Variants in ARMH3 observed in about 807,000 individuals in gnomAD.
The protein encoded by ARMH3 is armadillo-like helical domain-containing protein 3.
ARMH3 carries 60 observed loss-of-function variants against 99.1 expected under a neutral mutation model. The observed-to-expected ratio is 0.61, with a 90% CI of 0.49 to 0.75. The LOEUF is 0.75. Ranked by LOEUF, ARMH3 falls within the 30% of genes least tolerant of loss-of-function variation. The probability of loss-of-function intolerance (pLI) is 0.00; values close to 1 mark genes in which losing one functional copy is unlikely to be tolerated. For missense variants in ARMH3, 679 were observed against 843.1 expected (o/e 0.81, Z 2.41); for synonymous variants, 285 against 292.8 (o/e 0.97, Z 0.27).
chr10:101,989,069 G>A (rs765212650), intron 19 of ARMH3, among the ~76,000 whole-genome samples: 5 of 151,946 alleles, frequency 3.3e-5, no homozygotes, highest in Non-Finnish European at 5.9e-5. Flanking sequence ...CCCAAAAATC[G>A]GAGGGAGCAA....
chr10:101,879,935 A>AT (rs1310756819), intron 24 of ARMH3, among the ~76,000 whole-genome samples: 4 of 152,270 alleles, frequency 2.6e-5, no homozygotes, highest in African/African-American at 9.6e-5. Context: ...ACCCCACCTC[A>AT]TCCCCACTTC....
chr10:101,865,284 G>A (rs971535105), intron 24 of ARMH3, among the ~76,000 whole-genome samples: 4 of 151,268 alleles, frequency 2.6e-5, no homozygotes, highest in Middle Eastern at 3.4e-3. Flanking sequence ...TAATGAACAC[G>A]TAAGATATAC....
chr10:101,940,247 A>C (rs981951931), intron 22 of ARMH3, among the ~76,000 whole-genome samples: 2 of 152,122 alleles, frequency 1.3e-5, no homozygotes, highest in African/African-American at 4.8e-5. Context: ...ATGCATTTAC[A>C]ATCTGCACTG....
At chr10:102,045,129 C>CA (rs574856341) in intron 1 of ARMH3, among the ~76,000 whole-genome samples, 15,576 of 80,516 alleles carry the variant, frequency 0.19, 1,523 homozygotes, top group African/African-American at 0.28. Context: ...GCCCTTGTCT[C>CA]AAAAAAAAAA....
At chr10:102,017,568 T>C (rs2066777931) in intron 8 of ARMH3, among the ~76,000 whole-genome samples, 1 of 152,206 alleles carries the variant, frequency 6.6e-6, no homozygotes, top group African/African-American at 2.4e-5. Flanking sequence ...AGTGTGTTCC[T>C]ATCACATATA....
chr10:101,870,263 A>T (rs989381052), intron 24 of ARMH3, among the ~76,000 whole-genome samples: 3 of 152,248 alleles, frequency 2.0e-5, no homozygotes, highest in Non-Finnish European at 4.4e-5. Context: ...AACAACCTAC[A>T]TAAATGAATA....
Position 101,939,851 on chromosome 10 carries a change from C to G in ARMH3, c.1781+12G>C. 1 of 1,611,308 alleles carries G rather than the reference C, an allele frequency of 6.2e-7. No individual in the cohort carries two copies. Among genetic ancestry groups the G allele is most frequent in the Non-Finnish European group, 8.5e-7 (1 of 1,178,228 alleles). On this transcript the variant is annotated intron_variant, in intron 23 of 25. Coordinates refer to ENST00000370033, the MANE Select transcript of ARMH3 (RefSeq NM_024541.3). ...CCAAGGAACTCTGCAAGAGATACTT[C>G]TCATTCCTTACCTGATATTAACCAA...
At chr10:101,969,126 T>A (rs991774061) in intron 20 of ARMH3, among the ~76,000 whole-genome samples, 3 of 152,246 alleles carry the variant, frequency 2.0e-5, no homozygotes, top group South Asian at 4.1e-4. Flanking sequence ...TCCCATCTAC[T>A]CTAGTTTTTA....
intron 14 of ARMH3, 122 bp from the exon 15 acceptor site, chr10:102,002,194 G>A: frequency 2.1e-6 from 3 of 1,425,490 alleles, no homozygotes; most frequent in Non-Finnish European, 2.8e-6. Flanking sequence ...ACAACAGAGG[G>A]AGGACCAAGT....
chr10:101,901,730 T>C (rs1242600056), intron 23 of ARMH3, among the ~76,000 whole-genome samples: 2 of 151,774 alleles, frequency 1.3e-5, no homozygotes, highest in Non-Finnish European at 2.9e-5. Flanking sequence ...GCTTGAGAGG[T>C]AGAGAGGATG....
At chr10:101,939,773 T>C (rs1844155752) in intron 23 of ARMH3, 90 bp downstream of exon 23, 3 of 1,086,082 alleles carry the variant, frequency 2.8e-6, no homozygotes, top group Non-Finnish European at 4.1e-6. Context: ...CTTAAAATAG[T>C]AGTAGTGTTC....
intron 22 of ARMH3, among the ~76,000 whole-genome samples, chr10:101,949,454 T>C (rs1300614784): frequency 2.0e-5 from 3 of 152,012 alleles, no homozygotes; most frequent in Non-Finnish European, 4.4e-5. Flanking sequence ...CAAACAACTG[T>C]ATGCCCCATA....
intron 1 of ARMH3, among the ~76,000 whole-genome samples, chr10:102,050,673 C>T (rs910000007): frequency 3.3e-5 from 5 of 151,290 alleles, no homozygotes; most frequent in African/African-American, 1.2e-4. Flanking sequence ...GCCTGGCCAA[C>T]ATGGTAAAAC....
Position 102,006,572 on chromosome 10 carries a change from G to GT in ARMH3, c.1015dup (p.Thr339AsnfsTer11), listed in dbSNP as rs753337770. 1 of 1,614,044 alleles carries GT rather than the reference G, an allele frequency of 6.2e-7. No homozygotes were observed. The highest frequency in any genetic ancestry group is 8.5e-7 in the Non-Finnish European group (1 of 1,179,930). On this transcript the variant is annotated frameshift_variant, in exon 14 of 26. Coordinates refer to ENST00000370033, the MANE Select transcript of ARMH3 (RefSeq NM_024541.3). LOFTEE classifies it high-confidence loss of function. ...GGAAGGCGGTGTGGTCCCAAGTGGT[G>GT]TGACTGGGGTTGTAGGAGCAGGACT...
chr10:101,982,648 C>G (rs1259943620), intron 19 of ARMH3, among the ~76,000 whole-genome samples: 1 of 152,176 alleles, frequency 6.6e-6, no homozygotes, highest in African/African-American at 2.4e-5. Flanking sequence ...ACCACCTGAA[C>G]TCTGCCTCCT....
intron 23 of ARMH3, among the ~76,000 whole-genome samples, chr10:101,934,218 A>ATG (rs368050447): frequency 6.6e-5 from 10 of 152,076 alleles, no homozygotes; most frequent in Non-Finnish European, 1.0e-4. Context: ...ACACTTAACC[A>ATG]TGTGTGTGTG....
intron 22 of ARMH3, among the ~76,000 whole-genome samples, chr10:101,941,965 T>C (rs1294799717): frequency 1.3e-5 from 2 of 152,194 alleles, no homozygotes; most frequent in African/African-American, 4.8e-5. Context: ...GGAGCTGAAT[T>C]TTGCCTCCTC....
intron 23 of ARMH3, among the ~76,000 whole-genome samples, chr10:101,907,376 T>C (rs1212189811): frequency 2.0e-5 from 3 of 151,324 alleles, no homozygotes; most frequent in African/African-American, 7.3e-5. Context: ...TGTTTTTGTC[T>C]TTGTTTTTGT....
At position 102,006,559 on chromosome 10, in the gene ARMH3, G is replaced by A. The variant is rs781647741; in HGVS notation, c.1029C>T (p.Thr343=). The part of the protein sequence containing the change: ...APTTPVTPLG[T]TPPSSDVISS... ...GCTCACCATCAGAGGAAGGCGGTGTGGTCCCAAGTGGTGTGACTGGGGTTG... is the reference window on the plus strand; with the variant it reads ...GCTCACCATCAGAGGAAGGCGGTGTAGTCCCAAGTGGTGTGACTGGGGTTG... Residue 343 remains threonine (T), a synonymous_variant, in exon 14 of 26, where the codon ACC becomes ACT. Transcript: ENST00000370033. 9 of 1,613,890 alleles carry A rather than the reference G, an allele frequency of 5.6e-6. 1 individual carries two copies. Among genetic ancestry groups the A allele is most frequent in the Middle Eastern group, 3.3e-4 (2 of 6,050 alleles).
Sources: gnomAD v4.1 joint callset for allele counts (sites outside exome capture counted in the v4.1 genomes callset) on GRCh38, gnomAD v4.1.1 for gene constraint, MANE v1.5 for transcripts, NCBI Gene and HGNC (gene_info 2026-07-23, HGNC 2026-07-21) for gene names.